Variants in ZNF189 observed in about 807,000 individuals in gnomAD.
The protein encoded by ZNF189 is zinc finger protein 189.
Under a neutral mutation model 53.5 loss-of-function variants are expected in ZNF189, and 33 were observed. The observed-to-expected ratio is 0.62, with a 90% CI of 0.47 to 0.82. ZNF189 has a LOEUF of 0.82. ZNF189 is among the 40% of genes least tolerant of loss of function. The probability of loss-of-function intolerance (pLI) is 0.00; values close to 1 mark genes in which losing one functional copy is unlikely to be tolerated. For synonymous variants in ZNF189, 247 were observed against 238.8 expected (o/e 1.03, Z -0.32); for missense variants, 711 against 753.9 (o/e 0.94, Z 0.67).
rs1163838749 is a variant in ZNF189 at position 101,399,650 on chromosome 9, AAAATT to A, written c.34-230_34-226del. The A allele has an allele frequency of 2.9e-5, 37 of 1,266,764 alleles. No individual in the cohort carries two copies. In the African/African-American group the frequency reaches 5.5e-4, roughly 19 times the overall value. 78.5% of individuals were successfully genotyped at this position (1,266,764 alleles called of 1,614,324 possible). A position where few individuals can be genotyped will look rare whatever the true frequency, so the allele number is the denominator to read the frequency against. ...TGGAGAGGCCTTGGGGCAGTTTACTAAAATTAAACTCTCAGGGCATAATAAATCAG... is the reference window on the plus strand; with the variant it reads ...TGGAGAGGCCTTGGGGCAGTTTACTAAAACTCTCAGGGCATAATAAATCAG... On this transcript the variant is annotated intron_variant, in intron 1 of 2. Coordinates refer to ENST00000339664, the MANE Select transcript of ZNF189 (RefSeq NM_003452.4).
chr9:101,399,550 C>T, intron 1 of ZNF189: 1 of 1,275,994 alleles, frequency 7.8e-7, no homozygotes, highest in Non-Finnish European at 9.9e-7. Flanking sequence ...TAGAGAACCT[C>T]AAGGAATTGA....
chr9:101,401,301 AGT>A (rs1830522515), intron 2 of ZNF189, among the ~76,000 whole-genome samples: 1 of 152,190 alleles, frequency 6.6e-6, no homozygotes, highest in African/African-American at 2.4e-5. Context: ...TCCATCATTA[AGT>A]AGTGAAGCTC....
At position 101,399,177 on chromosome 9, in the gene ZNF189, G is replaced by C. The variant is rs772512615; in HGVS notation, c.21G>C (p.Pro7=). The part of the protein sequence containing the change: MASPSP[P]PESKGLLTFE... ...GGGAGATGGCTTCCCCGAGCCCCCC[G>C]CCGGAGTCGAAGGTAAGTAAGCACC... Residue 7 remains proline (P), a synonymous_variant, in exon 1 of 3, where the codon CCG becomes CCC. Coordinates refer to ENST00000339664, the MANE Select transcript of ZNF189 (RefSeq NM_003452.4). 2.5e-6 allele frequency: 4 copies of C among 1,580,642 alleles called. No homozygotes were observed. In the African/African-American group the frequency reaches 4.2e-5, roughly 17 times the overall value.
Position 101,408,924 on chromosome 9 carries a change from A to G in ZNF189, c.1156A>G (p.Asn386Asp). ...TGGGAAAAGTTTCAGTCAGCTTTGC[A>G]ACCTTACTCGTCATCAGAGAATTCA... ...ECGKSFSQLC[N>D]LTRHQRIHTG... Residue 386 changes from asparagine (N) to aspartate (D), a missense_variant, in exon 3 of 3, where the codon AAC (asparagine) becomes GAC (aspartate). By Grantham distance (23) the Asn-to-Asp change is conservative. Transcript: ENST00000339664. 6.2e-7 allele frequency: 1 copy of G among 1,614,038 alleles called. No individual in the cohort carries two copies. The highest frequency in any genetic ancestry group is 8.5e-7 in the Non-Finnish European group (1 of 1,180,010).
chr9:101,406,808 G>C (rs183900129), intron 2 of ZNF189, among the ~76,000 whole-genome samples: 134 of 152,248 alleles, frequency 8.8e-4, no homozygotes, highest in Non-Finnish European at 1.6e-3. Context: ...GTCCGAAGCG[G>C]GCCTAGATGT....
rs182272146 is a variant in ZNF189 at position 101,399,247 on chromosome 9, C to T, written c.33+58C>T. ...TCTCGCCGCTACCCCAGCTAGGCCGCACCACTGCTTTCTCCCCCAGGCCCC... is the reference window on the plus strand; with the variant it reads ...TCTCGCCGCTACCCCAGCTAGGCCGTACCACTGCTTTCTCCCCCAGGCCCC... On this transcript the variant is annotated intron_variant, in intron 1 of 2. Coordinates refer to ENST00000339664, the MANE Select transcript of ZNF189 (RefSeq NM_003452.4). 1,463 of 1,478,354 alleles carry T rather than the reference C, an allele frequency of 9.9e-4. 7 individuals are homozygous for T. The highest frequency in any genetic ancestry group is 5.6e-3 in the South Asian group (462 of 82,296). The allele number at this position is 1,478,354 out of a possible 1,614,324, so 91.6% of individuals were successfully genotyped here.
At position 101,409,263 on chromosome 9, in the gene ZNF189, C is replaced by G; in HGVS notation, c.1495C>G (p.Leu499Val). The change falls in exon 3 of 3, where the codon CTT (leucine) becomes GTT (valine). Residue 499 changes from leucine to valine, a missense_variant. Leu to Val is a conservative substitution (Grantham distance 32). Transcript: ENST00000339664. Reference protein sequence around the residue: ...CGKSFSRSSFLIEHQRIHTGE... With the variant: ...CGKSFSRSSFVIEHQRIHTGE... ...GAAAAGCTTCAGCCGGAGCTCATTT[C>G]TTATTGAACATCAGAGAATCCACAC... 6.2e-7 allele frequency: 1 copy of G among 1,613,554 alleles called. No individual in the cohort carries two copies. The highest frequency in any genetic ancestry group is 8.5e-7 in the Non-Finnish European group (1 of 1,179,560).
intron 1 of ZNF189, 178 bp downstream of exon 1, chr9:101,399,367 G>C: frequency 7.2e-7 from 1 of 1,381,832 alleles, no homozygotes. Context: ...ACTGCCCACT[G>C]GCTCCCTTTT....
chr9:101,401,519 A>G (rs1318525411), intron 2 of ZNF189, among the ~76,000 whole-genome samples: 1 of 152,198 alleles, frequency 6.6e-6, no homozygotes, highest in African/African-American at 2.4e-5. Flanking sequence ...ACTCTTCAAC[A>G]GGAGAAAAGA....
chr9:101,406,055 C>CA (rs5899441), intron 2 of ZNF189, among the ~76,000 whole-genome samples: 44,495 of 124,852 alleles, frequency 0.36, 7,277 homozygotes, highest in Middle Eastern at 0.42. Flanking sequence ...AACTCTGTCT[C>CA]AAAAAAAAAA....
Position 101,408,055 on chromosome 9 carries a change from T to G in ZNF189, c.287T>G (p.Met96Arg). Residue 96 changes from methionine to arginine, a missense_variant, in exon 3 of 3, where the codon ATG (methionine) becomes AGG (arginine). Coordinates refer to ENST00000339664, the MANE Select transcript of ZNF189 (RefSeq NM_003452.4). ...RIKSEIDQDP[M>R]GRETFELVGR... ...AAAAGTGAAATTGACCAGGATCCTATGGGTAGAGAAACATTTGAACTTGTT... is the reference window on the plus strand; with the variant it reads ...AAAAGTGAAATTGACCAGGATCCTAGGGGTAGAGAAACATTTGAACTTGTT... The G allele has an allele frequency of 6.2e-7, 1 of 1,613,980 alleles. No homozygotes were observed. The highest frequency in any genetic ancestry group is 8.5e-7 in the Non-Finnish European group (1 of 1,179,966).
chr9:101,404,415 G>A (rs1830639423), intron 2 of ZNF189, among the ~76,000 whole-genome samples: 1 of 152,118 alleles, frequency 6.6e-6, no homozygotes, highest in Non-Finnish European at 1.5e-5. Flanking sequence ...AAGGAATTGA[G>A]ATCCTTATAA....
intron 1 of ZNF189, 110 bp from the exon 2 acceptor site, chr9:101,399,774 A>T: frequency 6.5e-7 from 1 of 1,527,588 alleles, no homozygotes; most frequent in South Asian, 1.2e-5. Context: ...TTCAGTTATC[A>T]TGTTCCTCCT....
At position 101,399,122 on chromosome 9, in the gene ZNF189, G is replaced by GC; in HGVS notation, c.-30dup. 6.5e-7 allele frequency: 1 copy of GC among 1,530,232 alleles called. No individual in the cohort carries two copies. Among genetic ancestry groups the GC allele is most frequent in the Non-Finnish European group, 9.0e-7 (1 of 1,105,438 alleles). The allele number at this position is 1,530,232 out of a possible 1,614,324, so 94.8% of individuals were successfully genotyped here. A position where few individuals can be genotyped will look rare whatever the true frequency, so the allele number is the denominator to read the frequency against. The stretch of plus-strand genomic sequence containing the variant: ...ACCAGAGGCTCCTTTCCGTGAGGCC[G>GC]CCCCCAATTCCTGCCCCTATTCTCT... On this transcript the variant is annotated 5_prime_UTR_variant, in exon 1 of 3. Coordinates refer to ENST00000339664, the MANE Select transcript of ZNF189 (RefSeq NM_003452.4).
In ZNF189 at chr9:101,408,795, C is replaced by G. The variant is rs368568414; in HGVS notation, c.1027C>G (p.Pro343Ala). The change falls in exon 3 of 3, where the codon CCT (proline) becomes GCT (alanine). Residue 343 changes from proline to alanine, a missense_variant. Coordinates refer to ENST00000339664, the MANE Select transcript of ZNF189 (RefSeq NM_003452.4). ...QHQKIHTGEK[P>A]FLCIECGKSF... ...CCAAAAAATTCACACTGGCGAGAAG[C>G]CTTTTCTTTGTATTGAGTGTGGAAA... The G allele has an allele frequency of 1.7e-5, 27 of 1,613,884 alleles. No individual in the cohort carries two copies. The highest frequency in any genetic ancestry group is 3.3e-5 in the South Asian group (3 of 91,084).
chr9:101,406,743 T>A lies in ZNF189; in HGVS notation c.161-1186T>A, dbSNP rs982666075. 2.0e-5 allele frequency among the ~76,000 whole-genome samples: 3 copies of A among 152,240 alleles called. No individual in the cohort carries two copies. The South Asian group carries it at 6.2e-4, about 31-fold the overall frequency. On this transcript the variant is annotated intron_variant, in intron 2 of 2. Transcript: ENST00000339664. Reference sequence around the variant, plus strand: ...ATATAAATGTGGTCATTATTGAATCTTCTAGCGGAATTATCTAATATCTAT... The same window carrying A: ...ATATAAATGTGGTCATTATTGAATCATCTAGCGGAATTATCTAATATCTAT...
At position 101,409,034 on chromosome 9, in the gene ZNF189, C is replaced by T. The variant is rs572372488; in HGVS notation, c.1266C>T (p.His422=). The change falls in exon 3 of 3, where the codon CAC becomes CAT. Residue 422 remains histidine, a synonymous_variant. Coordinates refer to ENST00000339664, the MANE Select transcript of ZNF189 (RefSeq NM_003452.4). ...GTCTTATTCAGCATCAGAGAATTCACACCAGGGAGAAGACTTATCCATACA... is the reference window on the plus strand; with the variant it reads ...GTCTTATTCAGCATCAGAGAATTCATACCAGGGAGAAGACTTATCCATACA... ...SSGLIQHQRI[H]TREKTYPYNE... 4.0e-4 allele frequency: 649 copies of T among 1,614,124 alleles called. 4 individuals carry two copies. The South Asian group carries it at 6.8e-3, about 17-fold the overall frequency.
Position 101,399,170 on chromosome 9 carries a change from G to C in ZNF189, c.14G>C (p.Ser5Thr). 1 of 1,592,436 alleles carries C rather than the reference G, an allele frequency of 6.3e-7. No homozygotes were observed. The highest frequency in any genetic ancestry group is 8.6e-7 in the Non-Finnish European group (1 of 1,162,706). Residue 5 changes from serine (S) to threonine (T), a missense_variant, in exon 1 of 3, where the codon AGC becomes ACC. Physicochemically the swap from Ser to Thr is moderately conservative, Grantham distance 58. Coordinates refer to ENST00000339664, the MANE Select transcript of ZNF189 (RefSeq NM_003452.4). The stretch of plus-strand genomic sequence containing the variant: ...TCTGCCTGGGAGATGGCTTCCCCGA[G>C]CCCCCCGCCGGAGTCGAAGGTAAGT... MASP[S>T]PPPESKGLLT...
chr9:101,399,769 T>C (rs928132661), intron 1 of ZNF189, 115 bp from the exon 2 acceptor site: 14 of 1,506,020 alleles, frequency 9.3e-6, no homozygotes, highest in Non-Finnish European at 1.3e-5. Flanking sequence ...GAACTTTCAG[T>C]TATCATGTTC....
Sources: allele counts gnomAD v4.1 joint callset (sites outside exome capture counted in the v4.1 genomes callset), GRCh38; gene constraint gnomAD v4.1.1; transcripts MANE v1.5; gene names NCBI Gene and HGNC (gene_info 2026-07-23, HGNC 2026-07-21).